The following FTCD variants were observed in gnomAD, a reference collection of about 807,000 sequenced individuals.
The protein encoded by FTCD is formimidoyltransferase-cyclodeaminase.
FTCD carries 76 observed loss-of-function variants against 62.9 expected under a neutral mutation model. The ratio of observed to expected loss-of-function variants is 1.21; its 90% CI spans 1.00 to 1.46. The LOEUF (loss-of-function observed/expected upper bound fraction) is 1.46. FTCD is among the 40% of genes most tolerant of loss of function. FTCD has a pLI of 0.00. For missense variants in FTCD, 845 were observed against 751.3 expected (o/e 1.12, Z -1.46); for synonymous variants, 397 against 336.9 (o/e 1.18, Z -1.95).
Position 46,144,782 on chromosome 21 carries a change from G to T in FTCD, c.1260+635C>A, listed in dbSNP as rs530594239. Among the ~76,000 whole-genome samples the T allele has an allele frequency of 2.1e-5, 3 of 140,142 alleles. No individual in the cohort carries two copies. The South Asian group carries it at 7.4e-4, about 34-fold the overall frequency. The allele number at this position is 140,142 out of a possible 152,430, so 91.9% of individuals were successfully genotyped here. ...TTCCCTCCTGTCCTCTCCTGGGCTG[G>T]AACTGCTTGGGAGCATCCTGACCTT... On this transcript the variant is annotated intron_variant, in intron 10 of 13. Coordinates refer to ENST00000397746, the MANE Select transcript of FTCD (RefSeq NM_206965.2).
At chr21:46,146,669 T>C (rs2123537055) in intron 7 of FTCD, 1 of 415,072 alleles carries the variant, frequency 2.4e-6, no homozygotes, top group South Asian at 3.8e-5. Flanking sequence ...CACTGCCCCA[T>C]CGCTGACGGG....
intron 10 of FTCD, chr21:46,139,153 T>C: frequency 1.7e-6 from 1 of 593,816 alleles, no homozygotes; most frequent in South Asian, 2.0e-5. Flanking sequence ...CCCGGGGATG[T>C]GAGAAGCAGG....
At position 46,145,837 on chromosome 21, in the gene FTCD, G is replaced by T; in HGVS notation, c.1079C>A (p.Ala360Glu). 3.4e-6 allele frequency: 3 copies of T among 873,812 alleles called. No homozygotes were observed. The highest frequency in any genetic ancestry group is 3.9e-6 in the Non-Finnish European group (3 of 760,330). 54.1% of individuals were successfully genotyped at this position (873,812 alleles called of 1,614,324 possible). A position where few individuals can be genotyped will look rare whatever the true frequency, so the allele number is the denominator to read the frequency against. ...RSAAPGGGSV[A>E]AAAAAMGAAL... ...GCTCACCATGGCCGCAGCGGCCGCCGCCACCGAGCCGCCCCCGGGGGCCGC... is the reference window on the plus strand; with the variant it reads ...GCTCACCATGGCCGCAGCGGCCGCCTCCACCGAGCCGCCCCCGGGGGCCGC... Residue 360 changes from alanine to glutamate, a missense_variant, in exon 9 of 14, where the codon GCG (alanine) becomes GAG (glutamate). Coordinates refer to ENST00000397746, the MANE Select transcript of FTCD (RefSeq NM_206965.2).
downstream of FTCD, chr21:46,136,401 C>T (rs928880277): frequency 2.0e-5 from 32 of 1,604,500 alleles, no homozygotes; most frequent in Admixed American, 2.5e-4. Flanking sequence ...GGGCCAGTAC[C>T]GTGCTCTGTG....
intron 10 of FTCD, among the ~76,000 whole-genome samples, chr21:46,140,965 G>A (rs991848903): frequency 1.4e-5 from 2 of 147,356 alleles, no homozygotes; most frequent in Admixed American, 7.0e-5. Context: ...CACTGATTTC[G>A]ACCACTGATG....
chr21:46,136,760 C>G (rs78067049), downstream of FTCD: 24 of 1,495,478 alleles, frequency 1.6e-5, no homozygotes, highest in Non-Finnish European at 2.1e-5. Flanking sequence ...CCCCCAAAAC[C>G]GCCAACACAC....
rs1447982758 is a variant in FTCD at position 46,137,056 on chromosome 21, G to A, written c.1557C>T (p.Ser519=). The A allele has an allele frequency of 2.5e-6, 4 of 1,613,810 alleles. No individual in the cohort carries two copies. The South Asian group carries it at 4.4e-5, about 18-fold the overall frequency. Residue 519 remains serine, a synonymous_variant, in exon 14 of 14, where the codon TCC becomes TCT. Coordinates refer to ENST00000397746, the MANE Select transcript of FTCD (RefSeq NM_206965.2). ...AFKDQIHHRV[S]SLLQEAKTQA... ...GGGTCTTGGCTTCCTGCAGGAGGCTGGAAACACGATGGTGGATCTGATGGA... is the reference window on the plus strand; with the variant it reads ...GGGTCTTGGCTTCCTGCAGGAGGCTAGAAACACGATGGTGGATCTGATGGA...
At chr21:46,142,670 A>T (rs9983829) in intron 10 of FTCD, 48,654 of 151,894 alleles carry the variant, frequency 0.32, 8,422 homozygotes, top group East Asian at 0.48. Flanking sequence ...CAAAAGAACA[A>T]AGCCCCCACA....
intron 7 of FTCD, 114 bp downstream of exon 7, chr21:46,150,005 A>G: frequency 9.9e-7 from 1 of 1,013,282 alleles, no homozygotes; most frequent in East Asian, 2.6e-5. Context: ...AAGTCAATAA[A>G]ATGAAGGGGG....
At position 46,145,830 on chromosome 21, in the gene FTCD, G is replaced by A; in HGVS notation, c.1086C>T (p.Ala362=). ...AAPGGGSVAA[A]AAAMGAALGS... is the part of the protein sequence containing the mutation. ...CCCCCGCGCTCACCATGGCCGCAGCGGCCGCCGCCACCGAGCCGCCCCCGG... is the reference window on the plus strand; with the variant it reads ...CCCCCGCGCTCACCATGGCCGCAGCAGCCGCCGCCACCGAGCCGCCCCCGG... Residue 362 remains alanine, a synonymous_variant, in exon 9 of 14, where the codon GCC becomes GCT. Transcript: ENST00000397746. 1.2e-5 allele frequency: 10 copies of A among 808,700 alleles called. No individual in the cohort carries two copies. Among genetic ancestry groups the A allele is most frequent in the Non-Finnish European group, 1.4e-5 (10 of 708,470 alleles). 50.1% of individuals were successfully genotyped at this position (808,700 alleles called of 1,614,324 possible).
At chr21:46,150,332 C>T in intron 6 of FTCD, 56 bp downstream of exon 6, 1 of 1,611,376 alleles carries the variant, frequency 6.2e-7, no homozygotes, top group African/African-American at 1.3e-5. Context: ...CCCCGCCCTG[C>T]CCACGGGACA....
At position 46,145,502 on chromosome 21, in the gene FTCD, C is replaced by T. The variant is rs1392765016; in HGVS notation, c.1175G>A (p.Arg392Gln). The change falls in exon 10 of 14, where the codon CGG becomes CAG. Residue 392 changes from arginine (R) to glutamine (Q), a missense_variant. Arg to Gln is a conservative substitution (Grantham distance 43). Transcript: ENST00000397746. The stretch of plus-strand genomic sequence containing the variant: ...CTCGCGGAAGGGCGGGATCAGGCGC[C>T]GCATCGTCGTGTCCAGGGACTGGAA... ...RQFQSLDTTMRRLIPPFREAS... is the reference protein window; with the variant it reads ...RQFQSLDTTMQRLIPPFREAS... The T allele has an allele frequency of 1.2e-5, 18 of 1,552,924 alleles. No individual in the cohort carries two copies. Among genetic ancestry groups the T allele is most frequent in the Non-Finnish European group, 1.6e-5 (18 of 1,148,838 alleles).
At chr21:46,139,404 T>G (rs1385443609) in intron 10 of FTCD, among the ~76,000 whole-genome samples, 1 of 152,144 alleles carries the variant, frequency 6.6e-6, no homozygotes, top group Non-Finnish European at 1.5e-5. Context: ...TGCTCATGTG[T>G]GTAGCTCACG....
intron 3 of FTCD, chr21:46,152,429 G>T (rs939467293): frequency 4.4e-5 from 9 of 205,288 alleles, no homozygotes; most frequent in Non-Finnish European, 7.9e-5. Flanking sequence ...CGGGGGTTAC[G>T]TGTGCCCTGC....
chr21:46,144,778 G>A (rs963275140), intron 10 of FTCD, among the ~76,000 whole-genome samples: 2 of 138,202 alleles, frequency 1.4e-5, no homozygotes, highest in Non-Finnish European at 3.1e-5. Context: ...CCTCTCCTGG[G>A]CTGGAACTGC....
chr21:46,148,163 C>G (rs1441160639), intron 7 of FTCD, among the ~76,000 whole-genome samples: 1 of 152,096 alleles, frequency 6.6e-6, no homozygotes, highest in East Asian at 1.9e-4. Context: ...CTCCCCACAA[C>G]GTATTAATTG....
rs1194364611 is a variant in FTCD at position 46,150,472 on chromosome 21, G to C, written c.690C>G (p.Asn230Lys). The change falls in exon 6 of 14, where the codon AAC (asparagine) becomes AAG (lysine). Residue 230 changes from asparagine (N) to lysine (K), a missense_variant. By Grantham distance (94) the Asn-to-Lys change is moderately conservative. Coordinates refer to ENST00000397746, the MANE Select transcript of FTCD (RefSeq NM_206965.2). ...GAAGATTGGTGGACACCTGAGCCAG[G>C]TTCTTCTCATCCAGGTACCAGCCAA... Reference protein sequence around the residue: ...QGIGWYLDEKNLAQVSTNLLD... With the variant: ...QGIGWYLDEKKLAQVSTNLLD... The C allele has an allele frequency of 6.2e-7, 1 of 1,613,118 alleles. No individual in the cohort carries two copies. Among genetic ancestry groups the C allele is most frequent in the South Asian group, 1.1e-5 (1 of 91,082 alleles).
chr21:46,136,750 C>T, downstream of FTCD: 1 of 1,489,190 alleles, frequency 6.7e-7, no homozygotes, highest in Non-Finnish European at 9.0e-7. Flanking sequence ...CTCAGCCCTG[C>T]CCCCAAAACC....
intron 7 of FTCD, among the ~76,000 whole-genome samples, chr21:46,149,729 G>A (rs1010320768): frequency 3.3e-5 from 5 of 152,172 alleles, no homozygotes; most frequent in Admixed American, 1.3e-4. Context: ...TGAAGGAGCC[G>A]CTCCGTGGAT....
Sources: gnomAD v4.1 joint callset for allele counts (sites outside exome capture counted in the v4.1 genomes callset) on GRCh38, gnomAD v4.1.1 for gene constraint, MANE v1.5 for transcripts, NCBI Gene and HGNC (gene_info 2026-07-23, HGNC 2026-07-21) for gene names.